The following TMEM255B variants were observed in gnomAD, a reference collection of about 807,000 sequenced individuals.
The protein encoded by TMEM255B is family with sequence similarity 70, member B.
In TMEM255B, 35 loss-of-function variants were observed where a neutral mutation model predicts 34.5. The observed-to-expected ratio is 1.01, with a 90% CI of 0.77 to 1.34. The LOEUF (loss-of-function observed/expected upper bound fraction) is 1.34, where lower values mean the gene tolerates loss of function less well. Ranked by LOEUF, TMEM255B falls within the 40% of genes most tolerant of loss-of-function variation. The pLI is 0.00. For missense variants in TMEM255B, 432 were observed against 433.2 expected, an observed-to-expected ratio of 1.00 and a Z score of 0.02; for synonymous variants, 206 against 201.2, an observed-to-expected ratio of 1.02 and a Z score of -0.20.
At chr13:113,801,556 C>T in intron 6 of TMEM255B, 97 bp from the exon 7 acceptor site, 1 of 1,391,702 alleles carries the variant, frequency 7.2e-7, no homozygotes, top group Non-Finnish European at 9.6e-7. Context: ...TGATTTCCTC[C>T]CCCAGCCCTG....
intron 3 of TMEM255B, among the ~76,000 whole-genome samples, chr13:113,786,738 G>A (rs868045671): frequency 5.9e-5 from 9 of 152,216 alleles, no homozygotes; most frequent in Non-Finnish European, 1.2e-4. Context: ...GCTGGGGAGT[G>A]AATTTCCTCC....
At chr13:113,794,144 G>A (rs1050663361) in intron 3 of TMEM255B, among the ~76,000 whole-genome samples, 4 of 152,186 alleles carry the variant, frequency 2.6e-5, no homozygotes, top group African/African-American at 9.7e-5. Context: ...GGTCACGGTC[G>A]ATGGAACTCC....
intron 3 of TMEM255B, among the ~76,000 whole-genome samples, chr13:113,778,287 G>C (rs72672425): frequency 0.093 from 14,122 of 152,304 alleles, 734 homozygotes; most frequent in South Asian, 0.17. Flanking sequence ...AGCAAGATGA[G>C]AGTCTGAACC....
intron 3 of TMEM255B, among the ~76,000 whole-genome samples, chr13:113,783,193 G>T (rs901353934): frequency 6.6e-6 from 1 of 152,092 alleles, no homozygotes; most frequent in Non-Finnish European, 1.5e-5. Flanking sequence ...TTTTCCTGGG[G>T]CTCTTATGTA....
At chr13:113,768,810 T>C in intron 2 of TMEM255B, 1 of 523,334 alleles carries the variant, frequency 1.9e-6, no homozygotes, top group Admixed American at 2.3e-5. Flanking sequence ...AGATGTTGTC[T>C]CTGGGGGAGG....
chr13:113,774,305 C>T (rs1234911449), intron 3 of TMEM255B, among the ~76,000 whole-genome samples: 1 of 152,214 alleles, frequency 6.6e-6, no homozygotes, highest in Non-Finnish European at 1.5e-5. Flanking sequence ...CCCCAAATCA[C>T]ATCAGCTTTA....
At chr13:113,799,806 T>G in intron 5 of TMEM255B, 1 of 641,132 alleles carries the variant, frequency 1.6e-6, no homozygotes, top group Non-Finnish European at 2.9e-6. Flanking sequence ...GTGACCTCAT[T>G]TCTCTTTCCA....
At chr13:113,767,463 G>A (rs919351554) in intron 2 of TMEM255B, among the ~76,000 whole-genome samples, 2 of 152,226 alleles carry the variant, frequency 1.3e-5, no homozygotes, top group Non-Finnish European at 2.9e-5. Context: ...AGTGATTTGC[G>A]AAACATCAAG....
Position 113,798,710 on chromosome 13 carries a change from CATGG to C in TMEM255B, c.343-609_343-606del, listed in dbSNP as rs539394750. Reference sequence around the variant, plus strand: ...GGATGGATGGAAGGATGGATGGATACATGGATGGATGGATGGATGGATGAAGTAT... The same window carrying C: ...GGATGGATGGAAGGATGGATGGATACATGGATGGATGGATGGATGAAGTAT... On this transcript the variant is annotated intron_variant, in intron 4 of 8. Transcript: ENST00000375353. 1.3e-3 allele frequency among the ~76,000 whole-genome samples: 161 copies of C among 125,956 alleles called. 1 individual carries two copies. Among genetic ancestry groups the C allele is most frequent in the Middle Eastern group, 7.0e-3 (1 of 142 alleles). 82.6% of individuals were successfully genotyped at this position (125,956 alleles called of 152,430 possible).
rs554271929 is a variant in TMEM255B, at chr13:113,813,241, G to C, written c.*1338G>C. On this transcript the variant is annotated 3_prime_UTR_variant, in exon 9 of 9. Coordinates refer to ENST00000375353, the MANE Select transcript of TMEM255B (RefSeq NM_182614.4). ...GACACCAAGTCGCCGTCTCTGCTCTGTGGGCCGCTCACGGTTCCCCAGTCA... is the reference window on the plus strand; with the variant it reads ...GACACCAAGTCGCCGTCTCTGCTCTCTGGGCCGCTCACGGTTCCCCAGTCA... The C allele has an allele frequency of 1.3e-5, 2 of 152,316 alleles. No individual in the cohort carries two copies. The highest frequency in any genetic ancestry group is 3.9e-4 in the East Asian group (2 of 5,168). The allele number at this position is 152,316 out of a possible 1,614,324, so 9.4% of individuals were successfully genotyped here.
At chr13:113,784,216 G>T (rs1173787080) in intron 3 of TMEM255B, among the ~76,000 whole-genome samples, 1 of 152,126 alleles carries the variant, frequency 6.6e-6, no homozygotes, top group Non-Finnish European at 1.5e-5. Flanking sequence ...GTAAGAGGAG[G>T]CCGAGGGTGT....
chr13:113,768,415 T>C, intron 2 of TMEM255B: 1 of 361,508 alleles, frequency 2.8e-6, no homozygotes, highest in Non-Finnish European at 5.8e-6. Flanking sequence ...CATGTCTATT[T>C]CCCGACATCC....
At position 113,805,206 on chromosome 13, in the gene TMEM255B, G is replaced by A. The variant is rs139230994; in HGVS notation, c.813+178G>A. On this transcript the variant is annotated intron_variant, in intron 8 of 8. Coordinates refer to ENST00000375353, the MANE Select transcript of TMEM255B (RefSeq NM_182614.4). ...CAGGGCACAACCTCCCTGCAAGTAT[G>A]GCCGGGGACCGCGCCAGGTGGCCCT... Among the ~76,000 whole-genome samples the A allele has an allele frequency of 2.6e-3, 398 of 152,276 alleles. 1 individual carries two copies. Among genetic ancestry groups the A allele is most frequent in the African/African-American group, 9.0e-3 (376 of 41,566 alleles).
intron 3 of TMEM255B, among the ~76,000 whole-genome samples, chr13:113,787,733 G>A (rs1222521595): frequency 6.6e-6 from 1 of 151,946 alleles, no homozygotes; most frequent in Non-Finnish European, 1.5e-5. Context: ...AGTGGGGAGG[G>A]GAGTGTGAGA....
intron 3 of TMEM255B, among the ~76,000 whole-genome samples, chr13:113,785,319 C>T (rs1325112786): frequency 6.8e-6 from 1 of 147,514 alleles, no homozygotes; most frequent in African/African-American, 2.5e-5. Context: ...CTGGCTTTGC[C>T]TTCTGATTTC....
At chr13:113,768,971 T>C (rs1353538137) in intron 2 of TMEM255B, 127 bp from the exon 3 acceptor site, 2 of 990,788 alleles carry the variant, frequency 2.0e-6, no homozygotes, top group African/African-American at 1.6e-5. Flanking sequence ...GTTCTTGAGG[T>C]AGGGATGTCT....
intron 2 of TMEM255B, chr13:113,768,812 T>TG (rs1450400988): frequency 1.9e-6 from 1 of 527,156 alleles, no homozygotes; most frequent in East Asian, 4.9e-5. Flanking sequence ...ATGTTGTCTC[T>TG]GGGGGAGGAG....
chr13:113,764,973 C>T (rs2050365292), intron 1 of TMEM255B, among the ~76,000 whole-genome samples: 1 of 152,192 alleles, frequency 6.6e-6, no homozygotes. Context: ...CGCCTCGGTG[C>T]AGTGGGTCCA....
rs190226014 is a variant in TMEM255B, at chr13:113,759,386, G to A, written c.46+71G>A. 8.3e-4 allele frequency: 1,004 copies of A among 1,207,318 alleles called. 3 individuals are homozygous for A. In the African/African-American group the frequency reaches 0.014, roughly 17 times the overall value. 74.8% of individuals were successfully genotyped at this position (1,207,318 alleles called of 1,614,324 possible). On this transcript the variant is annotated intron_variant, in intron 1 of 8. Transcript: ENST00000375353. Reference sequence around the variant, plus strand: ...TGGGGACCCCGGGGCTGGGACTACAGGTCCCCGGCCGGCCCGGGCGGAACC... The same window carrying A: ...TGGGGACCCCGGGGCTGGGACTACAAGTCCCCGGCCGGCCCGGGCGGAACC...
Sources: allele counts gnomAD v4.1 joint callset (sites outside exome capture counted in the v4.1 genomes callset), GRCh38; gene constraint gnomAD v4.1.1; transcripts MANE v1.5; gene names NCBI Gene and HGNC (gene_info 2026-07-23, HGNC 2026-07-21).